The following PNPLA1 variants were observed in gnomAD, a reference collection of about 807,000 sequenced individuals.
PNPLA1 encodes the protein omega-hydroxyceramide transacylase.
PNPLA1 carries 36 observed loss-of-function variants against 51.7 expected under a neutral mutation model. That is an observed-to-expected ratio of 0.70 (90% CI 0.53 to 0.92). PNPLA1 has a LOEUF of 0.92. PNPLA1 is among the 40% of genes least tolerant of loss of function. The pLI is 0.00. For synonymous variants in PNPLA1, 293 were observed against 280.1 expected (o/e 1.05, Z -0.46); for missense variants, 658 against 682.5 (o/e 0.96, Z 0.40).
intron 5 of PNPLA1, 104 bp downstream of exon 5, chr6:36,295,528 C>T (rs1770834153): frequency 3.4e-5 from 42 of 1,247,998 alleles, no homozygotes; most frequent in South Asian, 2.7e-4. Context: ...ATTTGTGACC[C>T]GGAGACGCCC....
intron 1 of PNPLA1, among the ~76,000 whole-genome samples, chr6:36,279,762 T>C (rs1263046092): frequency 6.6e-6 from 1 of 152,224 alleles, no homozygotes; most frequent in Admixed American, 6.5e-5. Flanking sequence ...GCCCAGTGCT[T>C]GGCAAATATT....
At position 36,301,905 on chromosome 6, in the gene PNPLA1, C is replaced by T. The variant is rs780963967; in HGVS notation, c.820C>T (p.Arg274Trp). 23 of 1,614,028 alleles carry T rather than the reference C, an allele frequency of 1.4e-5. No individual in the cohort carries two copies. The highest frequency in any genetic ancestry group is 1.6e-5 in the Non-Finnish European group (19 of 1,180,026). Residue 274 changes from arginine to tryptophan, a missense_variant, in exon 6 of 9, where the codon CGG becomes TGG. Arg to Trp is a moderately radical substitution (Grantham distance 101). Transcript: ENST00000636260. ...NSSSKRVIFPRVEVYCQIELA... is the reference protein window; with the variant it reads ...NSSSKRVIFPWVEVYCQIELA... Reference sequence around the variant, plus strand: ...TTCCTCCAAGAGAGTGATTTTCCCCCGGGTGGAAGTGTACTGCCAGATAGA... The same window carrying T: ...TTCCTCCAAGAGAGTGATTTTCCCCTGGGTGGAAGTGTACTGCCAGATAGA...
rs769486252 is a variant in PNPLA1, at chr6:36,302,344, C to T, written c.1259C>T (p.Pro420Leu). The T allele has an allele frequency of 6.2e-7, 1 of 1,613,056 alleles. No homozygotes were observed. The highest frequency in any genetic ancestry group is 8.5e-7 in the Non-Finnish European group (1 of 1,179,264). The change falls in exon 6 of 9, where the codon CCC becomes CTC. Residue 420 changes from proline (P) to leucine (L), a missense_variant. Transcript: ENST00000636260. ...GCCAGATCCCTACACTCTCAGGCAC[C>T]CACTTCACCCAGGCCATCCCTGGGG... ...SPARSLHSQA[P>L]TSPRPSLGPS...
At chr6:36,289,849 T>A (rs1770621651) in intron 1 of PNPLA1, among the ~76,000 whole-genome samples, 1 of 152,190 alleles carries the variant, frequency 6.6e-6, no homozygotes, top group Admixed American at 6.5e-5. Flanking sequence ...CGGTAAACCA[T>A]AAAACACAGG....
At chr6:36,273,932 G>GT (rs1039758010) in intron 1 of PNPLA1, among the ~76,000 whole-genome samples, 11 of 152,130 alleles carry the variant, frequency 7.2e-5, no homozygotes, top group South Asian at 6.2e-4. Flanking sequence ...TGGGCTGCTC[G>GT]TAATTATCGC....
intron 8 of PNPLA1, among the ~76,000 whole-genome samples, chr6:36,310,828 TCA>T (rs1442681401): frequency 6.6e-6 from 1 of 152,200 alleles, no homozygotes; most frequent in Non-Finnish European, 1.5e-5. Context: ...AGTGGGAGTT[TCA>T]GTTTCTCTCT....
At chr6:36,267,166 G>A (rs1769779504), upstream of PNPLA1, among the ~76,000 whole-genome samples, 1 of 152,230 alleles carries the variant, frequency 6.6e-6, no homozygotes, top group Admixed American at 6.5e-5. Context: ...AAGATCATGA[G>A]ATGACTAAAA....
chr6:36,272,317 G>A (rs1419507547), intron 1 of PNPLA1, among the ~76,000 whole-genome samples: 1 of 152,058 alleles, frequency 6.6e-6, no homozygotes, highest in Non-Finnish European at 1.5e-5. Flanking sequence ...TAAGGTTCAC[G>A]CTCCTATAAG....
Position 36,302,148 on chromosome 6 carries a change from G to T in PNPLA1, c.1063G>T (p.Ala355Ser). The T allele has an allele frequency of 6.2e-7, 1 of 1,614,216 alleles. No homozygotes were observed. The highest frequency in any genetic ancestry group is 8.5e-7 in the Non-Finnish European group (1 of 1,180,048). ...APVSPLEQPP[A>S]QPLASSTPLS... is the part of the protein sequence containing the mutation. The stretch of plus-strand genomic sequence containing the variant: ...AGTCTCTCCACTTGAGCAGCCACCT[G>T]CACAGCCACTGGCCTCTTCAACTCC... The change falls in exon 6 of 9, where the codon GCA (alanine) becomes TCA (serine). Residue 355 changes from alanine to serine, a missense_variant. Coordinates refer to ENST00000636260, the MANE Select transcript of PNPLA1 (RefSeq NM_001374623.1).
At chr6:36,287,563 A>G (rs965417644) in intron 1 of PNPLA1, among the ~76,000 whole-genome samples, 2 of 152,154 alleles carry the variant, frequency 1.3e-5, no homozygotes, top group African/African-American at 4.8e-5. Context: ...AAAATATGGT[A>G]ATACATAAAT....
Position 36,307,568 on chromosome 6 carries a change from A to G in PNPLA1, c.1470-19A>G, listed in dbSNP as rs769677021. The G allele has an allele frequency of 1.2e-6, 2 of 1,612,138 alleles. No individual in the cohort carries two copies. Among genetic ancestry groups the G allele is most frequent in the Admixed American group, 3.3e-5 (2 of 59,884 alleles). On this transcript the variant is annotated intron_variant, in intron 7 of 8. Transcript: ENST00000636260. Reference sequence around the variant, plus strand: ...AGGTCAGGCCCATAATGAACCATCTACTTAATCTCTTTGCCTAGGGAGAGC... The same window carrying G: ...AGGTCAGGCCCATAATGAACCATCTGCTTAATCTCTTTGCCTAGGGAGAGC...
At chr6:36,253,234 A>G (rs1291485058) in intron 1 of PNPLA1, among the ~76,000 whole-genome samples, 1 of 152,172 alleles carries the variant, frequency 6.6e-6, no homozygotes, top group Non-Finnish European at 1.5e-5. Context: ...TACCAAATAT[A>G]CTATGAATGT....
At chr6:36,291,803 C>G (rs1770694398) in intron 2 of PNPLA1, among the ~76,000 whole-genome samples, 1 of 152,202 alleles carries the variant, frequency 6.6e-6, no homozygotes, top group African/African-American at 2.4e-5. Flanking sequence ...GCCCGGCCCC[C>G]TGCGCTAAGC....
chr6:36,301,985 G>A lies in PNPLA1; in HGVS notation c.900G>A (p.Arg300=), dbSNP rs143604894. The A allele has an allele frequency of 2.0e-5, 32 of 1,614,094 alleles. No homozygotes were observed. The highest frequency in any genetic ancestry group is 2.7e-5 in the Non-Finnish European group (32 of 1,180,044). ...PERSQPSLRA[R]QASLEGATQP... is the part of the protein sequence containing the mutation. ...GCAGTCAACCAAGCCTTCGAGCACG[G>A]CAGGCCAGTCTGGAAGGAGCCACAC... Residue 300 remains arginine, a synonymous_variant, in exon 6 of 9, where the codon CGG becomes CGA. Transcript: ENST00000636260.
intron 1 of PNPLA1, among the ~76,000 whole-genome samples, chr6:36,261,267 C>T (rs1582035495): frequency 6.6e-6 from 1 of 152,168 alleles, no homozygotes; most frequent in African/African-American, 2.4e-5. Flanking sequence ...TTGCAATGAC[C>T]ATCACTAATT....
rs145831268 is a variant in PNPLA1 at position 36,245,974 on chromosome 6, C to T, written c.-81+2713C>T. 4.3e-3 allele frequency among the ~76,000 whole-genome samples: 659 copies of T among 152,292 alleles called. 3 individuals are homozygous for T. Among genetic ancestry groups the T allele is most frequent in the African/African-American group, 0.015 (621 of 41,548 alleles). On this transcript the variant is annotated intron_variant, in intron 1 of 7. Transcript: ENST00000312917. ...GTCTGTTATTCCACACACAGATATA[C>T]GAATGGCACAGGGCCATCTCAGCCT...
At position 36,304,629 on chromosome 6, in the gene PNPLA1, G is replaced by GAAA. The variant is rs539155104; in HGVS notation, c.1385-1643_1385-1641dup. 3.6e-4 allele frequency among the ~76,000 whole-genome samples: 26 copies of GAAA among 71,924 alleles called. 1 individual carries two copies. The East Asian group carries it at 9.5e-3, about 26-fold the overall frequency. The allele number at this position is 71,924 out of a possible 152,430, so 47.2% of individuals were successfully genotyped here. On this transcript the variant is annotated intron_variant, in intron 6 of 8. Coordinates refer to ENST00000636260, the MANE Select transcript of PNPLA1 (RefSeq NM_001374623.1). ...GCGACAGAGTGAGACTCCGTCTCAG[G>GAAA]AAAAAAAAAAAAAAAAAAAAAAGTC... is the stretch of plus-strand genomic sequence containing the variant.
upstream of PNPLA1, among the ~76,000 whole-genome samples, chr6:36,269,896 G>A (rs573236396): frequency 7.2e-5 from 11 of 152,324 alleles, no homozygotes; most frequent in East Asian, 5.8e-4. Flanking sequence ...TGGGGGACCC[G>A]TCCAAAAGAG....
intron 1 of PNPLA1, among the ~76,000 whole-genome samples, chr6:36,291,046 C>T (rs979210303): frequency 1.6e-4 from 24 of 152,190 alleles, no homozygotes; most frequent in Non-Finnish European, 2.5e-4. Flanking sequence ...GTGTCTGTCA[C>T]GTAATGACTC....
Sources: allele counts gnomAD v4.1 joint callset (sites outside exome capture counted in the v4.1 genomes callset), GRCh38; gene constraint gnomAD v4.1.1; transcripts MANE v1.5; gene names NCBI Gene and HGNC (gene_info 2026-07-23, HGNC 2026-07-21).